HACD4: variants seen among roughly 807,000 people sequenced by gnomAD.
HACD4 encodes very-long-chain (3R)-3-hydroxyacyl-CoA dehydratase 4.
In HACD4, 35 loss-of-function variants were observed where a neutral mutation model predicts 33.3. That is an observed-to-expected ratio of 1.05 (90% CI 0.80 to 1.39). The LOEUF is 1.39. Ranked by LOEUF, HACD4 falls within the 40% of genes most tolerant of loss-of-function variation. HACD4 has a pLI of 0.00. For synonymous variants in HACD4, 118 were observed against 98.0 expected (o/e 1.20, Z -1.21); for missense variants, 323 against 276.5 (o/e 1.17, Z -1.19).
chr9:21,024,485 A>G (rs1033471973), intron 3 of HACD4, among the ~76,000 whole-genome samples: 1 of 152,230 alleles, frequency 6.6e-6, no homozygotes, highest in African/African-American at 2.4e-5. Context: ...TGGTTCTTTG[A>G]TTACAGTTAT....
chr9:21,025,540 G>A (rs1490522644), intron 3 of HACD4, among the ~76,000 whole-genome samples: 1 of 152,168 alleles, frequency 6.6e-6, no homozygotes, highest in East Asian at 1.9e-4. Context: ...TTATACTCAT[G>A]TAGATACCTA....
chr9:21,017,059 G>C (rs1842573400), intron 3 of HACD4, among the ~76,000 whole-genome samples: 1 of 152,062 alleles, frequency 6.6e-6, no homozygotes, highest in South Asian at 2.1e-4. Flanking sequence ...TGCTCTTAAT[G>C]GTCAAAGGAA....
In HACD4 at chr9:21,016,061, A is replaced by G. The variant is rs1319179481; in HGVS notation, c.271-51T>C. 7.8e-6 allele frequency: 10 copies of G among 1,278,656 alleles called. No homozygotes were observed. The African/African-American group carries it at 1.0e-4, about 13-fold the overall frequency. 79.2% of individuals were successfully genotyped at this position (1,278,656 alleles called of 1,614,324 possible). The stretch of plus-strand genomic sequence containing the variant: ...AATTAGGACATCTATTAGGCTATGT[A>G]GGTAATTTTCTAATTTTGAAAACCA... On this transcript the variant is annotated intron_variant, in intron 3 of 6. Coordinates refer to ENST00000495827, the MANE Select transcript of HACD4 (RefSeq NM_001010915.5).
Position 21,015,940 on chromosome 9 carries a change from A to G in HACD4, c.341T>C (p.Val114Ala). The G allele has an allele frequency of 1.2e-6, 2 of 1,613,248 alleles. No homozygotes were observed. The highest frequency in any genetic ancestry group is 1.7e-6 in the Non-Finnish European group (2 of 1,179,344). Residue 114 changes from valine to alanine, a missense_variant, in exon 4 of 7, where the codon GTG becomes GCG. Coordinates refer to ENST00000495827, the MANE Select transcript of HACD4 (RefSeq NM_001010915.5). ...SQEEVQEKYVVCVLFVFWNLL... is the reference protein window; with the variant it reads ...SQEEVQEKYVACVLFVFWNLL... Reference sequence around the variant, plus strand: ...ATTCCAAAAGACGAATAAAACACACACCACATATTTCTCTTGGACTTCCTC... The same window carrying G: ...ATTCCAAAAGACGAATAAAACACACGCCACATATTTCTCTTGGACTTCCTC...
chr9:21,006,849 T>C lies in HACD4; in HGVS notation c.*188A>G. On this transcript the variant is annotated 3_prime_UTR_variant, in exon 7 of 7. Coordinates refer to ENST00000495827, the MANE Select transcript of HACD4 (RefSeq NM_001010915.5). The surrounding 1 kb of genome is among the most constrained non-coding windows in gnomAD (Gnocchi z 4.6). ...AAGCAGGGTATGGAGAATATATATG[T>C]CTTAAAAATACAATGTGTGAAAAAC... 1.7e-6 allele frequency: 1 copy of C among 591,918 alleles called. No homozygotes were observed. Among genetic ancestry groups the C allele is most frequent in the South Asian group, 1.8e-5 (1 of 54,338 alleles). The allele number at this position is 591,918 out of a possible 1,614,324, so 36.7% of individuals were successfully genotyped here.
chr9:21,027,173 G>A (rs1818084126), intron 2 of HACD4, among the ~76,000 whole-genome samples: 1 of 152,176 alleles, frequency 6.6e-6, no homozygotes, highest in Admixed American at 6.5e-5. Flanking sequence ...TTATGGAAAT[G>A]ACACTAATAA....
chr9:21,019,656 C>T (rs1182916627), intron 3 of HACD4, among the ~76,000 whole-genome samples: 2 of 152,126 alleles, frequency 1.3e-5, no homozygotes, highest in East Asian at 1.9e-4. Flanking sequence ...TAGCTTTATA[C>T]TTATCACACA....
At chr9:21,020,233 GAC>G (rs71496869) in intron 3 of HACD4, among the ~76,000 whole-genome samples, 49,665 of 151,792 alleles carry the variant, frequency 0.33, 8,350 homozygotes, top group East Asian at 0.51. Context: ...TGTTTATTAT[GAC>G]ACAGAGGGAA....
chr9:21,029,530 G>A (rs1818152611), intron 1 of HACD4, 132 bp from the exon 2 acceptor site: 1 of 520,944 alleles, frequency 1.9e-6, no homozygotes, highest in African/African-American at 2.0e-5. Context: ...CTTTTATCTG[G>A]TTACCCCCAA....
In HACD4 at chr9:21,026,693, C is replaced by G. The variant is rs373273483; in HGVS notation, c.173G>C (p.Gly58Ala). ...GGATTGGCAAAGTCGCATCACAAGT[C>G]CAATAGCATAAAAAGTGTCAACCAT... ...DSMVDTFYAI[G>A]LVMRLCQSVS... is the part of the protein sequence containing the mutation. The change falls in exon 3 of 7, where the codon GGA becomes GCA. Residue 58 changes from glycine to alanine, a missense_variant. Coordinates refer to ENST00000495827, the MANE Select transcript of HACD4 (RefSeq NM_001010915.5). 33 of 1,613,444 alleles carry G rather than the reference C, an allele frequency of 2.0e-5. No individual in the cohort carries two copies. Among genetic ancestry groups the G allele is most frequent in the Non-Finnish European group, 2.6e-5 (31 of 1,179,550 alleles).
At chr9:21,026,830 C>T in intron 2 of HACD4, 107 bp from the exon 3 acceptor site, 4 of 883,348 alleles carry the variant, frequency 4.5e-6, no homozygotes, top group Non-Finnish European at 7.1e-6. Flanking sequence ...CTTCCTTTTT[C>T]ATTGTACATG....
At chr9:21,022,120 C>G (rs1269497482) in intron 3 of HACD4, among the ~76,000 whole-genome samples, 7 of 152,092 alleles carry the variant, frequency 4.6e-5, no homozygotes, top group Admixed American at 2.0e-4. Context: ...ACAAAAACAA[C>G]AAATGGGGAA....
At position 21,011,577 on chromosome 9, in the gene HACD4, CTCTTT is replaced by C. The variant is rs771149127; in HGVS notation, c.490+7_490+11del. ...TGTCAGTAAGCAATACAGCAAGTCA[CTCTTT>C]TCTTACCTTCAGCAAGAACACACAA... On this transcript the variant is annotated splice_region_variant and intron_variant, in intron 5 of 6. Coordinates refer to ENST00000495827, the MANE Select transcript of HACD4 (RefSeq NM_001010915.5). 2 of 1,527,362 alleles carry C rather than the reference CTCTTT, an allele frequency of 1.3e-6. No homozygotes were observed. Among genetic ancestry groups the C allele is most frequent in the South Asian group, 2.3e-5 (2 of 88,848 alleles). 94.6% of individuals were successfully genotyped at this position (1,527,362 alleles called of 1,614,324 possible). A position where few individuals can be genotyped will look rare whatever the true frequency, so the allele number is the denominator to read the frequency against.
chr9:21,013,215 TGTGAGTG>T (rs890755017), intron 4 of HACD4, among the ~76,000 whole-genome samples: 16 of 152,186 alleles, frequency 1.1e-4, no homozygotes, highest in African/African-American at 3.9e-4. Flanking sequence ...TCCACTTATA[TGTGAGTG>T]GTTAACTTCA....
At chr9:21,028,135 CAAAAAA>C (rs71334571) in intron 2 of HACD4, among the ~76,000 whole-genome samples, 18 of 93,466 alleles carry the variant, frequency 1.9e-4, no homozygotes, top group African/African-American at 4.2e-4. Context: ...AACTCCATCT[CAAAAAA>C]AAAAAAAAAA....
Position 21,011,456 on chromosome 9 carries a change from T to TA in HACD4, c.490+132dup, listed in dbSNP as rs2132772092. 4 of 656,850 alleles carry TA rather than the reference T, an allele frequency of 6.1e-6. No individual in the cohort carries two copies. The South Asian group carries it at 6.7e-5, about 11-fold the overall frequency. The allele number at this position is 656,850 out of a possible 1,614,324, so 40.7% of individuals were successfully genotyped here. A position where few individuals can be genotyped will look rare whatever the true frequency, so the allele number is the denominator to read the frequency against. ...CTTTGCCTCTTTGCATCAAGGGAAA[T>TA]ATGCCAGTAAGGATACACTGAGTGA... On this transcript the variant is annotated intron_variant, in intron 5 of 6. Coordinates refer to ENST00000495827, the MANE Select transcript of HACD4 (RefSeq NM_001010915.5).
At position 21,005,944 on chromosome 9, in the gene HACD4, T is replaced by C. The variant is rs1055644387; in HGVS notation, c.*1093A>G. On this transcript the variant is annotated 3_prime_UTR_variant, in exon 7 of 7. Coordinates refer to ENST00000495827, the MANE Select transcript of HACD4 (RefSeq NM_001010915.5). The surrounding 1 kb of genome is among the most constrained non-coding windows in gnomAD (Gnocchi z 4.0). The stretch of plus-strand genomic sequence containing the variant: ...CTGTGGAAGCACATAACTTGTTTCA[T>C]TTCACAAGTTCAAAGCTGGAAAGGA... 18 of 152,236 alleles carry C rather than the reference T, an allele frequency of 1.2e-4. No homozygotes were observed. Among genetic ancestry groups the C allele is most frequent in the African/African-American group, 4.1e-4 (17 of 41,462 alleles). 9.4% of individuals were successfully genotyped at this position (152,236 alleles called of 1,614,324 possible).
In HACD4 at chr9:21,007,999, C is replaced by A. The variant is rs753341063; in HGVS notation, c.616+22G>T. 234 of 1,571,814 alleles carry A rather than the reference C, an allele frequency of 1.5e-4. 1 individual carries two copies. The African/African-American group carries it at 3.0e-3, about 20-fold the overall frequency. ...AAAAAGTACAGGAAAAATGCAAAAA[C>A]AAGACCAAAAAAGCCACTTACCTAT... On this transcript the variant is annotated intron_variant, in intron 6 of 6. Transcript: ENST00000495827.
chr9:21,027,659 T>C (rs188076549), intron 2 of HACD4, among the ~76,000 whole-genome samples: 9 of 152,326 alleles, frequency 5.9e-5, no homozygotes, highest in Admixed American at 5.9e-4. Context: ...AGGAAGAAGG[T>C]AGCAGGTATA....
Sources: allele counts gnomAD v4.1 joint callset (sites outside exome capture counted in the v4.1 genomes callset), GRCh38; gene constraint gnomAD v4.1.1; non-coding constraint Gnocchi (gnomAD v3.1); transcripts MANE v1.5; gene names NCBI Gene and HGNC (gene_info 2026-07-23, HGNC 2026-07-21).